The following TTI1 variants were observed in gnomAD, a reference collection of about 807,000 sequenced individuals.
TTI1 encodes the protein TELO2-interacting protein 1 homolog.
A neutral mutation model predicts 85.4 loss-of-function variants in TTI1; 52 were observed. The observed-to-expected ratio is 0.61, with a 90% CI of 0.49 to 0.77. TTI1 has a LOEUF of 0.77. Among genes scored for constraint, TTI1 ranks in the 30% least tolerant of loss-of-function variants. TTI1 has a pLI of 0.00. For synonymous variants in TTI1, 512 were observed against 503.9 expected (o/e 1.02, Z -0.22); for missense variants, 1,173 against 1,296.0 (o/e 0.91, Z 1.46).
chr20:38,004,070 C>T (rs190523304), intron 3 of TTI1, among the ~76,000 whole-genome samples: 104 of 152,298 alleles, frequency 6.8e-4, no homozygotes, highest in African/African-American at 2.5e-3. Flanking sequence ...TTTCATCCTA[C>T]ATTACCTCAT....
intron 7 of TTI1, among the ~76,000 whole-genome samples, chr20:37,988,742 GCTCT>G (rs766686799): frequency 3.3e-4 from 50 of 152,290 alleles, no homozygotes; most frequent in Non-Finnish European, 1.8e-4. Flanking sequence ...CACGATACAG[GCTCT>G]CTCTATGTGG....
At chr20:37,986,324 G>A (rs1327001779) in intron 7 of TTI1, among the ~76,000 whole-genome samples, 1 of 152,212 alleles carries the variant, frequency 6.6e-6, no homozygotes, top group African/African-American at 2.4e-5. Flanking sequence ...TTCATTTTCT[G>A]AGCTCTTTTT....
rs1336302079 is a variant in TTI1 at position 37,983,658 on chromosome 20, G to C, written c.3087-19C>G. ...GAAGACGCTGTGGAGAGATGGAAAGGAGTGAGTAGAGGGTACAGAGAGGGA... is the reference window on the plus strand; with the variant it reads ...GAAGACGCTGTGGAGAGATGGAAAGCAGTGAGTAGAGGGTACAGAGAGGGA... On this transcript the variant is annotated intron_variant, in intron 7 of 7. Transcript: ENST00000373447. 2 of 1,498,768 alleles carry C rather than the reference G, an allele frequency of 1.3e-6. No homozygotes were observed. Among genetic ancestry groups the C allele is most frequent in the African/African-American group, 2.8e-5 (2 of 70,762 alleles). 92.8% of individuals were successfully genotyped at this position (1,498,768 alleles called of 1,614,324 possible).
chr20:37,996,312 A>T, intron 7 of TTI1, 63 bp downstream of exon 7: 1 of 1,571,562 alleles, frequency 6.4e-7, no homozygotes, highest in Non-Finnish European at 8.7e-7. Context: ...TCTGCTTGCC[A>T]TTAGCAAATC....
Position 37,987,232 on chromosome 20 carries a change from C to T in TTI1, c.3087-3593G>A, listed in dbSNP as rs1600599055. The T allele has an allele frequency of 8.8e-6, 4 of 456,726 alleles. No individual in the cohort carries two copies. The Admixed American group carries it at 9.4e-5, about 11-fold the overall frequency. The allele number at this position is 456,726 out of a possible 1,614,324, so 28.3% of individuals were successfully genotyped here. A position where few individuals can be genotyped will look rare whatever the true frequency, so the allele number is the denominator to read the frequency against. On this transcript the variant is annotated intron_variant, in intron 7 of 7. Coordinates refer to ENST00000373447, the MANE Select transcript of TTI1 (RefSeq NM_001303457.2). ...CTTTGTCCTGGGGCCAGTTCCTGCC[C>T]AGCCTTAGCTGAAACCAGAGAGTGA...
Position 38,013,729 on chromosome 20 carries a change from C to T in TTI1, c.88G>A (p.Val30Met). ...QLTKTQTVEN[V>M]EHLQTRLQAV... ...TGTAGTCGTGTCTGCAGATGCTCCA[C>T]ATTCTCCACTGTCTGGGTCTTTGTG... Residue 30 changes from valine to methionine, a missense_variant, in exon 2 of 8, where the codon GTG becomes ATG. By Grantham distance (21) the Val-to-Met change is conservative. Coordinates refer to ENST00000373447, the MANE Select transcript of TTI1 (RefSeq NM_001303457.2). The T allele has an allele frequency of 6.2e-7, 1 of 1,614,206 alleles. No homozygotes were observed. Among genetic ancestry groups the T allele is most frequent in the African/African-American group, 1.3e-5 (1 of 75,072 alleles).
rs373580341 is a variant in TTI1, at chr20:38,011,766, T to C, written c.2051A>G (p.Tyr684Cys). The part of the protein sequence containing the change: ...TMMDVCRACG[Y>C]DSLQHLINQN... ...ATTGATCAGGTGCTGCAGGGAGTCGTAGCCACAAGCACGGCAAACGTCCAT... is the reference window on the plus strand; with the variant it reads ...ATTGATCAGGTGCTGCAGGGAGTCGCAGCCACAAGCACGGCAAACGTCCAT... The change falls in exon 2 of 8, where the codon TAC (tyrosine) becomes TGC (cysteine). Residue 684 changes from tyrosine to cysteine, a missense_variant. By Grantham distance (194) the Tyr-to-Cys change is radical (BLOSUM62 -2). Coordinates refer to ENST00000373447, the MANE Select transcript of TTI1 (RefSeq NM_001303457.2). The C allele has an allele frequency of 3.5e-5, 56 of 1,614,240 alleles. No homozygotes were observed. The African/African-American group carries it at 5.5e-4, about 16-fold the overall frequency.
In TTI1 at chr20:37,996,371, G is replaced by A. The variant is rs775708714; in HGVS notation, c.3086+4C>T. On this transcript the variant is annotated splice_donor_region_variant and intron_variant, in intron 7 of 7. Transcript: ENST00000373447. ...AAGGGATGCGGGTGATCAGGCAGAC[G>A]TACCTCCTGGCAGCCTCTTGTAATT... 22 of 1,613,858 alleles carry A rather than the reference G, an allele frequency of 1.4e-5. No homozygotes were observed. The highest frequency in any genetic ancestry group is 6.7e-5 in the Admixed American group (4 of 59,990).
chr20:37,990,156 C>T (rs1600602985), intron 7 of TTI1, among the ~76,000 whole-genome samples: 2 of 152,168 alleles, frequency 1.3e-5, no homozygotes, highest in Non-Finnish European at 2.9e-5. Flanking sequence ...AACCTCAACT[C>T]GGTCTCATCT....
chr20:37,993,112 C>CT (rs756506163), intron 7 of TTI1, among the ~76,000 whole-genome samples: 1,342 of 125,286 alleles, frequency 0.011, 9 homozygotes, highest in East Asian at 0.025. Context: ...GGGGAGCTGG[C>CT]TTTTTTTTTT....
intron 1 of TTI1, among the ~76,000 whole-genome samples, chr20:38,025,564 C>T (rs8118950): frequency 0.031 from 4,630 of 148,268 alleles, 222 homozygotes; most frequent in African/African-American, 0.11. Context: ...AGCGACACTC[C>T]ATCTCAAAAA....
intron 1 of TTI1, 50 bp downstream of exon 1, chr20:38,033,354 C>T (rs1600668092): frequency 6.5e-6 from 1 of 153,776 alleles, no homozygotes; most frequent in African/African-American, 2.4e-5. Flanking sequence ...TACCCCTCTA[C>T]AGGGTCCCAG....
At chr20:37,990,469 T>C (rs6013619) in intron 7 of TTI1, among the ~76,000 whole-genome samples, 42,884 of 152,136 alleles carry the variant, frequency 0.28, 7,835 homozygotes, top group African/African-American at 0.53. Context: ...GGTTATCTTG[T>C]TATTGAACAA....
At chr20:38,019,028 T>C (rs372548637) in intron 1 of TTI1, 6 of 151,962 alleles carry the variant, frequency 3.9e-5, no homozygotes, top group African/African-American at 1.5e-4. Flanking sequence ...TGTGCACTAA[T>C]AGTCCCAGCT....
intron 2 of TTI1, among the ~76,000 whole-genome samples, chr20:38,008,200 A>C (rs2073529877): frequency 2.0e-5 from 3 of 152,160 alleles, no homozygotes; most frequent in Admixed American, 2.0e-4. Context: ...AATTGGTACA[A>C]CCTCTTAGAG....
intron 1 of TTI1, among the ~76,000 whole-genome samples, chr20:38,025,440 G>A (rs572721810): frequency 6.6e-6 from 1 of 152,076 alleles, no homozygotes; most frequent in African/African-American, 2.4e-5. Context: ...ATGGTGGCGC[G>A]TGCCTGTAAT....
rs1172472601 is a variant in TTI1, at chr20:38,012,063, A to T, written c.1754T>A (p.Leu585Gln). 6.2e-7 allele frequency: 1 copy of T among 1,614,196 alleles called. No homozygotes were observed. The highest frequency in any genetic ancestry group is 1.7e-5 in the Admixed American group (1 of 60,026). The change falls in exon 2 of 8, where the codon CTG (leucine) becomes CAG (glutamine). Residue 585 changes from leucine (L) to glutamine (Q), a missense_variant. Coordinates refer to ENST00000373447, the MANE Select transcript of TTI1 (RefSeq NM_001303457.2). ...TTGGAGGCCTGGGTGCTCCATCATC[A>T]GCTCCTCTCCCATTTCCTCAGTTTC... The part of the protein sequence containing the change: ...CLETEEMGEE[L>Q]MMEHPGLQAI...
chr20:38,007,475 C>T (rs1486423674), intron 2 of TTI1, among the ~76,000 whole-genome samples: 1 of 152,124 alleles, frequency 6.6e-6, no homozygotes, highest in Non-Finnish European at 1.5e-5. Context: ...GGGCTACAGG[C>T]ATGGGTTCCA....
In TTI1 at chr20:37,996,907, C is replaced by T. The variant is rs572474788; in HGVS notation, c.2840G>A (p.Arg947Gln). Residue 947 changes from arginine to glutamine, a missense_variant, in exon 6 of 8, where the codon CGG becomes CAG. By Grantham distance (43) the Arg-to-Gln change is conservative. Transcript: ENST00000373447. The stretch of plus-strand genomic sequence containing the variant: ...CTTTGGCAGGACATCTTTGCAGAAC[C>T]GGCTGCGAAGAAAGTCACCACACTT... ...GSKCGDFLRS[R>Q]FCKDVLPKLA... 24 of 1,614,128 alleles carry T rather than the reference C, an allele frequency of 1.5e-5. No individual in the cohort carries two copies. Among genetic ancestry groups the T allele is most frequent in the African/African-American group, 6.7e-5 (5 of 75,038 alleles).
Sources: gnomAD v4.1 joint callset for allele counts (sites outside exome capture counted in the v4.1 genomes callset) on GRCh38, gnomAD v4.1.1 for gene constraint, MANE v1.5 for transcripts, NCBI Gene and HGNC (gene_info 2026-07-23, HGNC 2026-07-21) for gene names.